The following GRIN2B variants were observed in gnomAD, a reference collection of about 807,000 sequenced individuals.
GRIN2B encodes glutamate ionotropic receptor NMDA type subunit 2B, also known as glutamate receptor ionotropic, NMDA 2B.
Under a neutral mutation model 114.5 loss-of-function variants are expected in GRIN2B, and 5 were observed. The ratio of observed to expected loss-of-function variants is 0.04; its 90% CI spans 0.02 to 0.09. The LOEUF is 0.09. GRIN2B is among the 10% of genes least tolerant of loss of function. The pLI is 1.00. For synonymous variants in GRIN2B, 787 were observed against 745.1 expected (o/e 1.06, Z -0.92); for missense variants, 1,108 against 1,943.5 (o/e 0.57, Z 8.08).
chr12:13,769,931 C>A (rs763898119), intron 3 of GRIN2B, among the ~76,000 whole-genome samples: 7 of 152,236 alleles, frequency 4.6e-5, no homozygotes, highest in Non-Finnish European at 1.0e-4. Context: ...CAATATCAAG[C>A]AGATGTTAAA....
intron 2 of GRIN2B, among the ~76,000 whole-genome samples, chr12:13,894,179 A>G (rs1455697296): frequency 6.6e-6 from 1 of 152,182 alleles, no homozygotes; most frequent in African/African-American, 2.4e-5. Flanking sequence ...ACAGATCAAG[A>G]GCTTTAAAAA....
intron 10 of GRIN2B, among the ~76,000 whole-genome samples, chr12:13,584,681 C>T (rs1481083108): frequency 1.3e-5 from 2 of 152,090 alleles, no homozygotes; most frequent in African/African-American, 4.8e-5. Context: ...TCTGAAATCC[C>T]GCAAGAGCCT....
chr12:13,835,750 G>A (rs1401102683), intron 3 of GRIN2B, among the ~76,000 whole-genome samples: 1 of 129,576 alleles, frequency 7.7e-6, no homozygotes, highest in East Asian at 2.3e-4. Flanking sequence ...GGAGTTGTAT[G>A]AGAGGGAAAA....
chr12:13,566,248 CAA>C (rs1057166809), intron 13 of GRIN2B, among the ~76,000 whole-genome samples: 6 of 152,188 alleles, frequency 3.9e-5, no homozygotes, highest in Non-Finnish European at 7.4e-5. Context: ...CCATTTGAGT[CAA>C]AGTTGGTTGG....
At chr12:13,598,803 T>C (rs1430623364) in intron 10 of GRIN2B, among the ~76,000 whole-genome samples, 1 of 152,118 alleles carries the variant, frequency 6.6e-6, no homozygotes, top group African/African-American at 2.4e-5. Context: ...ATAATTTTGA[T>C]ATCAATGAAC....
At chr12:13,566,889 G>GAAAA (rs1272967573) in intron 13 of GRIN2B, 136 bp downstream of exon 13, 16 of 728,348 alleles carry the variant, frequency 2.2e-5, no homozygotes, top group Non-Finnish European at 3.7e-5. Context: ...AAACTCCTAA[G>GAAAA]AAAACATACA....
chr12:13,966,478 A>G (rs900081120), intron 2 of GRIN2B, among the ~76,000 whole-genome samples: 2 of 152,142 alleles, frequency 1.3e-5, no homozygotes, highest in African/African-American at 4.8e-5. Flanking sequence ...ATTGGTTTCC[A>G]TTTGTATCTT....
chr12:13,845,066 A>G (rs1865445880), intron 3 of GRIN2B, among the ~76,000 whole-genome samples: 1 of 152,174 alleles, frequency 6.6e-6, no homozygotes, highest in African/African-American at 2.4e-5. Flanking sequence ...GATGAGGAGT[A>G]AAGGGGCTGA....
At chr12:13,943,843 A>G (rs893990904) in intron 2 of GRIN2B, among the ~76,000 whole-genome samples, 1 of 152,124 alleles carries the variant, frequency 6.6e-6, no homozygotes, top group African/African-American at 2.4e-5. Context: ...GTCTATGATC[A>G]TATTTGCATC....
intron 12 of GRIN2B, 126 bp downstream of exon 12, chr12:13,569,704 A>G: frequency 1.5e-6 from 1 of 671,528 alleles, no homozygotes; most frequent in Non-Finnish European, 2.5e-6. Context: ...CGAAAACTAC[A>G]CAATATACTG....
chr12:13,977,677 G>T (rs1225508634), intron 2 of GRIN2B, among the ~76,000 whole-genome samples: 1 of 152,090 alleles, frequency 6.6e-6, no homozygotes, highest in African/African-American at 2.4e-5. Flanking sequence ...GGGGGAAAAA[G>T]GGGGCGAGAA....
chr12:13,829,578 A>G (rs1865111006), intron 3 of GRIN2B, among the ~76,000 whole-genome samples: 1 of 152,152 alleles, frequency 6.6e-6, no homozygotes, highest in Non-Finnish European at 1.5e-5. Flanking sequence ...ATTTGAGAAG[A>G]CCCAATGATA....
Position 13,554,129 on chromosome 12 carries a change from C to T in GRIN2B, c.*8654G>A, listed in dbSNP as rs1233007679. 3.9e-5 allele frequency: 6 copies of T among 151,990 alleles called. No homozygotes were observed. 9.4% of individuals were successfully genotyped at this position (151,990 alleles called of 1,614,324 possible). On this transcript the variant is annotated 3_prime_UTR_variant, in exon 14 of 14. Coordinates refer to ENST00000609686, the MANE Select transcript of GRIN2B (RefSeq NM_000834.5). The stretch of plus-strand genomic sequence containing the variant: ...TAATAATATCAAATATTTACTAATG[C>T]CTTTCATATACAAGGCACTCTGTTT...
chr12:13,613,863 C>T (rs935619979), intron 8 of GRIN2B, among the ~76,000 whole-genome samples: 2 of 152,064 alleles, frequency 1.3e-5, no homozygotes, highest in African/African-American at 2.4e-5. Flanking sequence ...GACGTAAACA[C>T]ACCCTGCCTG....
chr12:13,908,682 T>C (rs1332574048), intron 2 of GRIN2B, among the ~76,000 whole-genome samples: 1 of 152,146 alleles, frequency 6.6e-6, no homozygotes, highest in African/African-American at 2.4e-5. Flanking sequence ...CCCTACAACA[T>C]TTCAAATACA....
intron 2 of GRIN2B, among the ~76,000 whole-genome samples, chr12:13,918,155 A>G (rs10845859): frequency 0.25 from 38,200 of 152,098 alleles, 5,284 homozygotes; most frequent in East Asian, 0.44. Context: ...AAAGATACAA[A>G]TCTCTTAACT....
intron 5 of GRIN2B, among the ~76,000 whole-genome samples, chr12:13,631,543 T>C (rs1949615665): frequency 6.6e-6 from 1 of 151,994 alleles, no homozygotes; most frequent in Non-Finnish European, 1.5e-5. Context: ...AAAAGAAAAA[T>C]ACTCAGTGTT....
intron 4 of GRIN2B, among the ~76,000 whole-genome samples, chr12:13,695,348 T>C (rs1950251027): frequency 6.6e-6 from 1 of 152,074 alleles, no homozygotes; most frequent in South Asian, 2.1e-4. Context: ...GCAGCAAAGC[T>C]GAGGAGAGGA....
intron 10 of GRIN2B, among the ~76,000 whole-genome samples, chr12:13,594,523 AGGGGGTG>A (rs1353085976): frequency 7.6e-6 from 1 of 132,238 alleles, no homozygotes; most frequent in East Asian, 2.5e-4. Context: ...GGGGCCTGTA[AGGGGGTG>A]GGGGGCTAGG....
Sources: allele counts gnomAD v4.1 joint callset (sites outside exome capture counted in the v4.1 genomes callset), GRCh38; gene constraint gnomAD v4.1.1; transcripts MANE v1.5; gene names NCBI Gene and HGNC (gene_info 2026-07-23, HGNC 2026-07-21).